The following DLG2 variants were observed in gnomAD, a reference collection of about 807,000 sequenced individuals.
DLG2 encodes the protein discs large MAGUK scaffold protein 2.
In DLG2, 45 loss-of-function variants were observed where a neutral mutation model predicts 132.5. The observed-to-expected ratio is 0.34, with a 90% CI of 0.27 to 0.44. The LOEUF is 0.44. DLG2 is among the 20% of genes least tolerant of loss of function. The pLI is 1.00. For missense variants in DLG2, 1,045 were observed against 1,196.9 expected (o/e 0.87, Z 1.87); for synonymous variants, 424 against 419.6 (o/e 1.01, Z -0.13).
intron 3 of DLG2, among the ~76,000 whole-genome samples, chr11:85,521,014 G>C (rs970265176): frequency 6.6e-6 from 1 of 152,112 alleles, no homozygotes; most frequent in African/African-American, 2.4e-5. Flanking sequence ...ATGGACAGAT[G>C]GGATCACATC....
intron 8 of DLG2, among the ~76,000 whole-genome samples, chr11:84,244,134 T>C (rs998192297): frequency 6.6e-6 from 1 of 152,172 alleles, no homozygotes; most frequent in Non-Finnish European, 1.5e-5. Context: ...GGCAACTTAT[T>C]AGAAATGCAG....
intron 10 of DLG2, among the ~76,000 whole-genome samples, chr11:84,073,582 A>C (rs548387044): frequency 1.1e-3 from 160 of 152,308 alleles, no homozygotes; most frequent in Non-Finnish European, 1.4e-3. Flanking sequence ...GGGATTTACA[A>C]ATTCACATCA....
chr11:83,907,903 A>G (rs1294379990), intron 15 of DLG2, among the ~76,000 whole-genome samples: 3 of 151,640 alleles, frequency 2.0e-5, no homozygotes, highest in African/African-American at 7.3e-5. Context: ...CAGCACCTCC[A>G]CTCTCCGTTC....
chr11:85,132,714 A>C (rs968488114), intron 5 of DLG2: 2 of 456,580 alleles, frequency 4.4e-6, no homozygotes, highest in African/African-American at 2.0e-5. Flanking sequence ...TTACGGGACC[A>C]GAATAATAAT....
At chr11:85,466,261 G>T (rs571963274) in intron 3 of DLG2, among the ~76,000 whole-genome samples, 1 of 152,288 alleles carries the variant, frequency 6.6e-6, no homozygotes, top group East Asian at 1.9e-4. Context: ...TCTGTAGGTT[G>T]CCTGTTCACT....
At chr11:83,732,973 G>A (rs537238793) in intron 18 of DLG2, among the ~76,000 whole-genome samples, 17 of 152,138 alleles carry the variant, frequency 1.1e-4, no homozygotes, top group African/African-American at 3.9e-4. Context: ...TGGGCGCGAC[G>A]GCTCACGCCT....
chr11:83,492,308 C>T (rs2093899162), intron 21 of DLG2, among the ~76,000 whole-genome samples: 1 of 152,026 alleles, frequency 6.6e-6, no homozygotes, highest in African/African-American at 2.4e-5. Flanking sequence ...TCCACATTTT[C>T]ATTGTCATCC....
chr11:85,628,193 A>T (rs2082117617), upstream of DLG2, among the ~76,000 whole-genome samples: 1 of 152,282 alleles, frequency 6.6e-6, no homozygotes, highest in Non-Finnish European at 1.5e-5. Flanking sequence ...CTTTAACACC[A>T]CACAGGCCAG....
At chr11:84,557,472 T>A (rs1217598189) in intron 6 of DLG2, among the ~76,000 whole-genome samples, 1 of 152,202 alleles carries the variant, frequency 6.6e-6, no homozygotes, top group South Asian at 2.1e-4. Context: ...ATATGATCTT[T>A]ACTGATACAG....
chr11:84,431,615 G>T (rs2098984932), intron 7 of DLG2, among the ~76,000 whole-genome samples: 2 of 151,696 alleles, frequency 1.3e-5, no homozygotes, highest in Non-Finnish European at 1.5e-5. Context: ...AGTCTGACTG[G>T]CACAAGTCAA....
chr11:84,918,090 G>T (rs2092576967), intron 6 of DLG2, among the ~76,000 whole-genome samples: 3 of 152,150 alleles, frequency 2.0e-5, no homozygotes, highest in African/African-American at 7.2e-5. Context: ...AGCAGCATAA[G>T]GAGACAGAGT....
intron 11 of DLG2, among the ~76,000 whole-genome samples, chr11:84,014,459 TG>T (rs1206848136): frequency 6.6e-6 from 1 of 152,188 alleles, no homozygotes; most frequent in Non-Finnish European, 1.5e-5. Context: ...TATACATTAA[TG>T]TTTTAAATGA....
intron 8 of DLG2, among the ~76,000 whole-genome samples, chr11:84,174,452 A>G (rs1793038): frequency 0.85 from 129,481 of 151,886 alleles, 55,607 homozygotes; most frequent in Middle Eastern, 0.94. Context: ...CCTGTTTCTC[A>G]TCTTCAAAAA....
chr11:83,481,456 T>C lies in DLG2; in HGVS notation c.2293+2673A>G, dbSNP rs150349191. Reference sequence around the variant, plus strand: ...GTTTTTTAAAAAGTGACAATAGTTATACATTTTTAGAAAGAGAAAAATAAT... The same window carrying C: ...GTTTTTTAAAAAGTGACAATAGTTACACATTTTTAGAAAGAGAAAAATAAT... On this transcript the variant is annotated intron_variant, in intron 22 of 27. Transcript: ENST00000376104. Among the ~76,000 whole-genome samples the C allele has an allele frequency of 1.1e-4, 16 of 152,266 alleles. No homozygotes were observed. The East Asian group carries it at 3.1e-3, about 29-fold the overall frequency.
chr11:84,612,512 T>C (rs993561600), intron 6 of DLG2, among the ~76,000 whole-genome samples: 6 of 152,172 alleles, frequency 3.9e-5, no homozygotes, highest in African/African-American at 1.4e-4. Flanking sequence ...ATGTGGAAAG[T>C]GCTTATGGTT....
chr11:83,600,504 G>A (rs879478001), intron 19 of DLG2, among the ~76,000 whole-genome samples: 11 of 152,160 alleles, frequency 7.2e-5, no homozygotes, highest in Non-Finnish European at 1.3e-4. Flanking sequence ...TGATGCTGTG[G>A]ATTACTATCG....
At chr11:84,987,916 G>C (rs2056672670) in intron 6 of DLG2, among the ~76,000 whole-genome samples, 1 of 152,122 alleles carries the variant, frequency 6.6e-6, no homozygotes, top group Admixed American at 6.6e-5. Context: ...AAGATAAATA[G>C]CTGGGACTTA....
intron 14 of DLG2, among the ~76,000 whole-genome samples, chr11:83,949,079 T>C (rs1985928727): frequency 6.6e-6 from 1 of 152,196 alleles, no homozygotes; most frequent in East Asian, 1.9e-4. Flanking sequence ...AATTTTTACA[T>C]TTTTTCTAAT....
At chr11:84,380,992 G>A (rs762490002) in intron 7 of DLG2, among the ~76,000 whole-genome samples, 3 of 151,778 alleles carry the variant, frequency 2.0e-5, no homozygotes, top group African/African-American at 7.3e-5. Context: ...TTAAAGTTAT[G>A]CGAAAGGAAG....
Sources: gnomAD v4.1 joint callset for allele counts (sites outside exome capture counted in the v4.1 genomes callset) on GRCh38, gnomAD v4.1.1 for gene constraint, MANE v1.5 for transcripts, NCBI Gene and HGNC (gene_info 2026-07-23, HGNC 2026-07-21) for gene names.